OAT: variants seen among roughly 807,000 people sequenced by gnomAD.
The protein encoded by OAT is ornithine aminotransferase, mitochondrial.
OAT carries 35 observed loss-of-function variants against 48.4 expected under a neutral mutation model. That is an observed-to-expected ratio of 0.72 (90% CI 0.55 to 0.96). The LOEUF (loss-of-function observed/expected upper bound fraction) is 0.96, where lower values mean the gene tolerates loss of function less well. Among genes scored for constraint, OAT ranks in the 40% least tolerant of loss-of-function variants. OAT has a pLI of 0.00. For missense variants in OAT, 438 were observed against 537.9 expected (o/e 0.81, Z 1.84); for synonymous variants, 182 against 198.4 (o/e 0.92, Z 0.70).
Position 124,398,115 on chromosome 10 carries a change from A to T in OAT, c.1160-13T>A, listed in dbSNP as rs372850085. 5.8e-5 allele frequency: 94 copies of T among 1,613,852 alleles called. No individual in the cohort carries two copies. Among genetic ancestry groups the T allele is most frequent in the Non-Finnish European group, 6.9e-5 (81 of 1,179,954 alleles). ...CAAGCATCCCAATCTAAAGAAAAAT[A>T]GTAAAACGTACATGCTCAAAGATAA... On this transcript the variant is annotated splice_polypyrimidine_tract_variant and intron_variant, in intron 9 of 9. Coordinates refer to ENST00000368845, the MANE Select transcript of OAT (RefSeq NM_000274.4).
intron 1 of OAT, chr10:124,414,209 C>G (rs1292782911): frequency 6.6e-6 from 1 of 152,184 alleles, no homozygotes; most frequent in Non-Finnish European, 1.5e-5. Context: ...TTGATTCGAG[C>G]TGCCAAATTA....
intron 6 of OAT, 80 bp downstream of exon 6, chr10:124,403,718 G>T (rs1416700990): frequency 3.8e-6 from 6 of 1,579,466 alleles, no homozygotes; most frequent in Non-Finnish European, 5.2e-6. Context: ...TCAGAGAGGA[G>T]TTGGGGAGGA....
At chr10:124,398,378 C>G (rs964359940) in intron 9 of OAT, among the ~76,000 whole-genome samples, 1 of 151,768 alleles carries the variant, frequency 6.6e-6, no homozygotes, top group Non-Finnish European at 1.5e-5. Context: ...CATCATGGTG[C>G]GCACCTGTAG....
chr10:124,406,913 T>C, intron 4 of OAT: 1 of 972,084 alleles, frequency 1.0e-6, no homozygotes, highest in Non-Finnish European at 1.2e-6. Flanking sequence ...CATAAACCAG[T>C]AAAGCAAGTG....
chr10:124,405,882 C>A, intron 4 of OAT: 1 of 1,192,548 alleles, frequency 8.4e-7, no homozygotes, highest in South Asian at 1.7e-5. Flanking sequence ...AAACCAAGCC[C>A]TAACAATTGA....
rs1951271158 is a variant in OAT, at chr10:124,397,713, A to C, written c.*229T>G. On this transcript the variant is annotated 3_prime_UTR_variant, in exon 10 of 10. Coordinates refer to ENST00000368845, the MANE Select transcript of OAT (RefSeq NM_000274.4). ...CCTTAGGAAGTACACATGCACATCA[A>C]AACACTTCAACTGAATATAGATGCC... is the stretch of plus-strand genomic sequence containing the variant. 3.8e-6 allele frequency: 2 copies of C among 521,738 alleles called. No individual in the cohort carries two copies. Among genetic ancestry groups the C allele is most frequent in the African/African-American group, 3.8e-5 (2 of 52,126 alleles). The allele number at this position is 521,738 out of a possible 1,614,324, so 32.3% of individuals were successfully genotyped here.
chr10:124,415,588 G>C (rs1448307920), intron 1 of OAT, among the ~76,000 whole-genome samples: 2 of 152,194 alleles, frequency 1.3e-5, no homozygotes, highest in African/African-American at 4.8e-5. Context: ...AGAAATCTTA[G>C]AGCAGAATTA....
chr10:124,410,612 C>A (rs1014703323), intron 2 of OAT, among the ~76,000 whole-genome samples: 1 of 152,042 alleles, frequency 6.6e-6, no homozygotes, highest in Non-Finnish European at 1.5e-5. Context: ...TCAAGATCAC[C>A]CTGGGCAACA....
Position 124,410,516 on chromosome 10 carries a change from G to A in OAT, c.199+1457C>T, listed in dbSNP as rs1055232120. On this transcript the variant is annotated intron_variant, in intron 2 of 9. Coordinates refer to ENST00000368845, the MANE Select transcript of OAT (RefSeq NM_000274.4). ...TTACAATTACTCTATGGTTATAAAA[G>A]AGAAAGTCAGCTGGGCACAGTAGCT... 3.3e-5 allele frequency among the ~76,000 whole-genome samples: 5 copies of A among 152,348 alleles called. No homozygotes were observed. In the East Asian group the frequency reaches 5.8e-4, roughly 18 times the overall value.
chr10:124,414,332 T>C (rs980260455), intron 1 of OAT: 1 of 152,248 alleles, frequency 6.6e-6, no homozygotes, highest in African/African-American at 2.4e-5. Flanking sequence ...TACTCCGGTT[T>C]GCCAAAGACT....
At chr10:124,416,920 G>C (rs1951936628) in intron 1 of OAT, among the ~76,000 whole-genome samples, 2 of 149,902 alleles carry the variant, frequency 1.3e-5, no homozygotes, top group African/African-American at 4.9e-5. Context: ...GACGTAATCA[G>C]TATTCTGGCT....
intron 4 of OAT, 151 bp downstream of exon 4, chr10:124,408,391 C>A: frequency 2.0e-6 from 1 of 492,062 alleles, no homozygotes; most frequent in Non-Finnish European, 3.7e-6. Context: ...CTATGTTGCC[C>A]AGAAGGCTGG....
intron 1 of OAT, chr10:124,413,987 A>C (rs1209438544): frequency 2.6e-5 from 4 of 151,972 alleles, no homozygotes; most frequent in Non-Finnish European, 4.4e-5. Flanking sequence ...GAAACTAATA[A>C]TTAAAAGGAA....
intron 8 of OAT, 32 bp from the exon 9 acceptor site, chr10:124,401,016 A>G: frequency 6.4e-7 from 1 of 1,564,684 alleles, no homozygotes; most frequent in Non-Finnish European, 8.8e-7. Context: ...ACAAATATTA[A>G]GACTGTCCTT....
Position 124,418,850 on chromosome 10 carries a change from GGACAGCGGCGCCCAGACGGTACCT to G in OAT, c.-31_-30+22del, listed in dbSNP as rs1952006759. 1 of 151,986 alleles carries G rather than the reference GGACAGCGGCGCCCAGACGGTACCT, an allele frequency of 6.6e-6. No homozygotes were observed. Among genetic ancestry groups the G allele is most frequent in the South Asian group, 2.1e-4 (1 of 4,798 alleles). 9.4% of individuals were successfully genotyped at this position (151,986 alleles called of 1,614,324 possible). A position where few individuals can be genotyped will look rare whatever the true frequency, so the allele number is the denominator to read the frequency against. On this transcript the variant is annotated splice_donor_variant and splice_donor_5th_base_variant and 5_prime_UTR_variant and intron_variant, in exon 1 of 10. Coordinates refer to ENST00000368845, the MANE Select transcript of OAT (RefSeq NM_000274.4). LOFTEE classifies it low-confidence loss of function (5UTR_SPLICE). Reference sequence around the variant, plus strand: ...GGCCAGGGCCCGAACCAGAGCCCCAGGACAGCGGCGCCCAGACGGTACCTGACAGCGCCTGAGGACAACCGGGTA... The same window carrying G: ...GGCCAGGGCCCGAACCAGAGCCCCAGGACAGCGCCTGAGGACAACCGGGTA...
In OAT at chr10:124,408,953, C is replaced by T. The variant is rs761034085; in HGVS notation, c.212G>A (p.Trp71Ter). 1 of 1,612,158 alleles carries T rather than the reference C, an allele frequency of 6.2e-7. No individual in the cohort carries two copies. The change falls in exon 3 of 10, where the codon TGG (tryptophan) becomes TAG (stop). Residue 71 changes from tryptophan to a stop codon, truncating the protein, a stop_gained. Transcript: ENST00000368845. LOFTEE classifies it high-confidence loss of function. Reference sequence around the variant, plus strand: ...AAAATATTTTCTGCCTTCTACATCCCATAAGTAAATACCTAAAATACATAA... The same window carrying T: ...AAAATATTTTCTGCCTTCTACATCCTATAAGTAAATACCTAAAATACATAA... ...ALERGKGIYL[W>*]DVEGRKYFDF...
At chr10:124,403,089 C>G in intron 6 of OAT, 34 bp from the exon 7 acceptor site, 1 of 1,612,758 alleles carries the variant, frequency 6.2e-7, no homozygotes, top group East Asian at 2.2e-5. Flanking sequence ...TATTAGTGAT[C>G]ACTTTCGTTT....
Position 124,406,567 on chromosome 10 carries a change from G to C in OAT, c.521-1004C>G, listed in dbSNP as rs182340390. Among the ~76,000 whole-genome samples, 86 of 151,908 alleles carry C rather than the reference G, an allele frequency of 5.7e-4. No homozygotes were observed. The East Asian group carries it at 0.016, about 29-fold the overall frequency. On this transcript the variant is annotated intron_variant, in intron 4 of 9. Transcript: ENST00000368845. ...GCAGTGGCTCACGCCTGCAATCCCAGCACTTTGGGAGGCCGAGGCAGGCAG... is the reference window on the plus strand; with the variant it reads ...GCAGTGGCTCACGCCTGCAATCCCACCACTTTGGGAGGCCGAGGCAGGCAG...
intron 8 of OAT, 72 bp downstream of exon 8, chr10:124,401,654 G>T (rs948693901): frequency 7.9e-6 from 8 of 1,015,160 alleles, no homozygotes; most frequent in Non-Finnish European, 1.1e-5. Context: ...TATTATACCA[G>T]TGGGCCCAAA....
Sources: allele counts gnomAD v4.1 joint callset (sites outside exome capture counted in the v4.1 genomes callset), GRCh38; gene constraint gnomAD v4.1.1; transcripts MANE v1.5; gene names NCBI Gene and HGNC (gene_info 2026-07-23, HGNC 2026-07-21).